ABRACL: variants seen among roughly 807,000 people sequenced by gnomAD.
ABRACL encodes the protein costars family protein ABRACL.
ABRACL carries 4 observed loss-of-function variants against 7.0 expected under a neutral mutation model. That is an observed-to-expected ratio of 0.57 (90% CI 0.28 to 1.30). ABRACL has a LOEUF of 1.30. Ranked by LOEUF, ABRACL falls within the 50% of genes most tolerant of loss-of-function variation. The pLI, the probability that ABRACL is intolerant of heterozygous loss-of-function variation, is 0.10. For missense variants in ABRACL, 104 were observed against 97.3 expected (o/e 1.07, Z -0.29); for synonymous variants, 30 against 36.0 (o/e 0.83, Z 0.60).
At position 139,042,874 on chromosome 6, in the gene ABRACL, G is replaced by A. The variant is rs1039243025; in HGVS notation, c.217G>A (p.Asp73Asn). 16 of 1,612,280 alleles carry A rather than the reference G, an allele frequency of 9.9e-6. No individual in the cohort carries two copies. Among genetic ancestry groups the A allele is most frequent in the Non-Finnish European group, 1.4e-5 (16 of 1,179,464 alleles). Residue 73 changes from aspartate to asparagine, a missense_variant, in exon 3 of 3, where the codon GAT becomes AAT. Physicochemically the swap from Asp to Asn is conservative, Grantham distance 23. Transcript: ENST00000367660. ...GCTGCTTCTGCAAGGTGTTCATGAT[G>A]ATGTTGACATTATATTACTGCAAGA... ...GELLLQGVHD[D>N]VDIILLQD
intron 2 of ABRACL, among the ~76,000 whole-genome samples, chr6:139,035,126 C>T (rs768163749): frequency 1.3e-5 from 2 of 152,248 alleles, no homozygotes; most frequent in Non-Finnish European, 2.9e-5. Context: ...TCCTGAATCA[C>T]AAATCCTTTG....
At chr6:139,039,557 C>T (rs1202530926) in intron 2 of ABRACL, among the ~76,000 whole-genome samples, 1 of 152,220 alleles carries the variant, frequency 6.6e-6, no homozygotes, top group African/African-American at 2.4e-5. Context: ...CATTTGAATT[C>T]ATTCCTGAAG....
intron 2 of ABRACL, among the ~76,000 whole-genome samples, chr6:139,038,434 G>A (rs371306351): frequency 3.3e-5 from 5 of 152,248 alleles, no homozygotes; most frequent in Non-Finnish European, 1.5e-5. Flanking sequence ...ATCTTTGAAC[G>A]TGTTATGGTT....
intron 2 of ABRACL, among the ~76,000 whole-genome samples, chr6:139,035,323 T>C (rs1786137379): frequency 6.6e-6 from 1 of 152,198 alleles, no homozygotes; most frequent in Non-Finnish European, 1.5e-5. Context: ...ATTAAGGTGT[T>C]GGCCGGGGAC....
intron 2 of ABRACL, among the ~76,000 whole-genome samples, chr6:139,041,529 A>ATTTTTTTTTT: frequency 1.2e-5 from 1 of 85,624 alleles, no homozygotes; most frequent in African/African-American, 6.0e-5. Flanking sequence ...ATATATATAT[A>ATTTTTTTTTT]TATTTTTTTT....
At chr6:139,032,127 A>ATT (rs544150811) in intron 1 of ABRACL, among the ~76,000 whole-genome samples, 2 of 148,880 alleles carry the variant, frequency 1.3e-5, no homozygotes, top group African/African-American at 2.5e-5. Flanking sequence ...CGCCCGGCTA[A>ATT]TTTTTTTTTT....
intron 1 of ABRACL, among the ~76,000 whole-genome samples, chr6:139,033,112 T>A (rs1237743238): frequency 6.6e-6 from 1 of 152,176 alleles, no homozygotes; most frequent in African/African-American, 2.4e-5. Context: ...GAAGGAGGAA[T>A]AGCTATAGTC....
At position 139,040,510 on chromosome 6, in the gene ABRACL, G is replaced by A. The variant is rs186962405; in HGVS notation, c.62-2209G>A. On this transcript the variant is annotated intron_variant, in intron 2 of 2. Coordinates refer to ENST00000367660, the MANE Select transcript of ABRACL (RefSeq NM_021243.3). ...CTATAAGAGGCTTTATCTTTATTAT[G>A]TCTGTTAATCCTTGCAACAGCCCTG... is the stretch of plus-strand genomic sequence containing the variant. 2.6e-4 allele frequency among the ~76,000 whole-genome samples: 40 copies of A among 152,266 alleles called. No homozygotes were observed. The East Asian group carries it at 3.3e-3, about 12-fold the overall frequency.
At chr6:139,039,996 T>C (rs142992884) in intron 2 of ABRACL, among the ~76,000 whole-genome samples, 17 of 151,968 alleles carry the variant, frequency 1.1e-4, no homozygotes, top group African/African-American at 2.9e-4. Flanking sequence ...CTTGGAAGGC[T>C]CAAGAGGATC....
intron 2 of ABRACL, among the ~76,000 whole-genome samples, chr6:139,035,489 C>CTT (rs11427534): frequency 7.4e-5 from 11 of 149,412 alleles, no homozygotes; most frequent in South Asian, 2.1e-4. Context: ...ACTTTTAATT[C>CTT]TTTTTTTTTT....
chr6:139,038,743 C>T (rs1029137695), intron 2 of ABRACL, among the ~76,000 whole-genome samples: 5 of 152,148 alleles, frequency 3.3e-5, no homozygotes, highest in African/African-American at 1.2e-4. Flanking sequence ...GACAGACAAA[C>T]TGGAAGTACC....
intron 1 of ABRACL, among the ~76,000 whole-genome samples, chr6:139,031,061 G>A (rs762931113): frequency 6.6e-5 from 10 of 152,194 alleles, no homozygotes; most frequent in Non-Finnish European, 1.2e-4. Flanking sequence ...GTATGTTGCT[G>A]GAGGTGGGAG....
At chr6:139,039,426 A>G (rs756832369) in intron 2 of ABRACL, among the ~76,000 whole-genome samples, 2 of 152,210 alleles carry the variant, frequency 1.3e-5, no homozygotes, top group South Asian at 2.1e-4. Context: ...CAAGTACTCA[A>G]TAAATGTTAG....
At chr6:139,036,722 G>A (rs1163635015) in intron 2 of ABRACL, among the ~76,000 whole-genome samples, 3 of 152,248 alleles carry the variant, frequency 2.0e-5, no homozygotes, top group Middle Eastern at 3.4e-3. Context: ...CATGGCTCAG[G>A]CCTGTAATCC....
chr6:139,030,956 C>T (rs554634310), intron 1 of ABRACL, among the ~76,000 whole-genome samples: 1 of 152,244 alleles, frequency 6.6e-6, no homozygotes, highest in Admixed American at 6.5e-5. Context: ...ATTGGATGAA[C>T]GTACATCTGC....
At chr6:139,037,641 A>G (rs537157185) in intron 2 of ABRACL, among the ~76,000 whole-genome samples, 2 of 151,888 alleles carry the variant, frequency 1.3e-5, no homozygotes, top group African/African-American at 4.8e-5. Flanking sequence ...CACCACACCC[A>G]CTTGATGGAG....
At chr6:139,029,698 C>T (rs1345259197) in intron 1 of ABRACL, among the ~76,000 whole-genome samples, 2 of 152,066 alleles carry the variant, frequency 1.3e-5, no homozygotes, top group Non-Finnish European at 2.9e-5. Context: ...GTGAGCGCGC[C>T]CCAGACCGGA....
chr6:139,041,761 T>A (rs1407584811), intron 2 of ABRACL, among the ~76,000 whole-genome samples: 1 of 152,086 alleles, frequency 6.6e-6, no homozygotes, highest in African/African-American at 2.4e-5. Context: ...CTCATGGGAA[T>A]TGAAGTCATT....
intron 2 of ABRACL, among the ~76,000 whole-genome samples, chr6:139,038,579 C>T (rs1022829538): frequency 2.0e-5 from 3 of 152,114 alleles, no homozygotes; most frequent in African/African-American, 7.2e-5. Context: ...TTTCATATAG[C>T]GAAAAAAGAT....
Sources: allele counts gnomAD v4.1 joint callset (sites outside exome capture counted in the v4.1 genomes callset), GRCh38; gene constraint gnomAD v4.1.1; transcripts MANE v1.5; gene names NCBI Gene and HGNC (gene_info 2026-07-23, HGNC 2026-07-21).